The following DNAH11 variants were observed in gnomAD, a reference collection of about 807,000 sequenced individuals.
DNAH11 encodes the protein axonemal beta dynein heavy chain 11.
In DNAH11, 442 loss-of-function variants were observed where a neutral mutation model predicts 526.0. The observed-to-expected ratio is 0.84, with a 90% confidence interval of 0.78 to 0.91. The LOEUF (loss-of-function observed/expected upper bound fraction) is 0.91. Among genes scored for constraint, DNAH11 ranks in the 40% least tolerant of loss-of-function variants. The probability of loss-of-function intolerance (pLI) is 0.00; values close to 1 mark genes in which losing one functional copy is unlikely to be tolerated. For synonymous variants in DNAH11, 2,461 were observed against 1,935.9 expected (o/e 1.27, Z -7.12); for missense variants, 6,989 against 5,448.7 (o/e 1.28, Z -8.90).
chr7:21,626,312 T>C (rs1277141751), intron 25 of DNAH11, among the ~76,000 whole-genome samples: 1 of 152,228 alleles, frequency 6.6e-6, no homozygotes, highest in Non-Finnish European at 1.5e-5. Flanking sequence ...GTTTTATGGC[T>C]GAATAATATT....
At chr7:21,689,929 C>G (rs925331643) in intron 34 of DNAH11, among the ~76,000 whole-genome samples, 1 of 152,142 alleles carries the variant, frequency 6.6e-6, no homozygotes, top group Non-Finnish European at 1.5e-5. Context: ...CATTCATTGC[C>G]CTGGCCAGCA....
chr7:21,621,360 C>G (rs1786045901), intron 25 of DNAH11, among the ~76,000 whole-genome samples: 1 of 152,072 alleles, frequency 6.6e-6, no homozygotes, highest in Non-Finnish European at 1.5e-5. Flanking sequence ...AGTCCAGGAC[C>G]AGATGGATTC....
At chr7:21,846,300 A>T (rs903930921) in intron 66 of DNAH11, among the ~76,000 whole-genome samples, 19 of 152,052 alleles carry the variant, frequency 1.2e-4, no homozygotes, top group African/African-American at 4.6e-4. Context: ...CTCGTTCCTG[A>T]TCTTAGGGCA....
intron 30 of DNAH11, among the ~76,000 whole-genome samples, chr7:21,671,845 G>A (rs1265161124): frequency 1.3e-5 from 2 of 152,058 alleles, no homozygotes; most frequent in African/African-American, 4.8e-5. Flanking sequence ...CATACTTAAT[G>A]GTGAAACATT....
In DNAH11 at chr7:21,831,181, C is replaced by T. The variant is rs150199755; in HGVS notation, c.10692-11363C>T. On this transcript the variant is annotated intron_variant, in intron 65 of 81. Coordinates refer to ENST00000409508, the MANE Select transcript of DNAH11 (RefSeq NM_001277115.2). ...CCAAATTTTATGTTGCTCTTCACACCTGCTGTTGCTCCTATTTGGAATTTA... is the reference window on the plus strand; with the variant it reads ...CCAAATTTTATGTTGCTCTTCACACTTGCTGTTGCTCCTATTTGGAATTTA... Among the ~76,000 whole-genome samples, 78 of 152,284 alleles carry T rather than the reference C, an allele frequency of 5.1e-4. No homozygotes were observed. The East Asian group carries it at 8.7e-3, about 17-fold the overall frequency.
At chr7:21,669,229 G>A (rs544492627) in intron 30 of DNAH11, among the ~76,000 whole-genome samples, 34 of 151,674 alleles carry the variant, frequency 2.2e-4, no homozygotes, top group African/African-American at 7.9e-4. Context: ...CAACCAGGCT[G>A]GAGTGCAGTG....
chr7:21,664,417 C>G (rs1270579469), intron 30 of DNAH11, among the ~76,000 whole-genome samples: 2 of 151,730 alleles, frequency 1.3e-5, no homozygotes, highest in African/African-American at 4.8e-5. Context: ...GCCCCCGCCC[C>G]CGCAATTCTT....
intron 6 of DNAH11, among the ~76,000 whole-genome samples, chr7:21,565,603 T>C (rs1367892060): frequency 6.6e-6 from 1 of 152,154 alleles, no homozygotes; most frequent in Admixed American, 6.5e-5. Context: ...GATAGAGTGG[T>C]GTGTGGGAAA....
intron 30 of DNAH11, among the ~76,000 whole-genome samples, chr7:21,669,621 A>C (rs1219755819): frequency 2.6e-5 from 4 of 151,170 alleles, no homozygotes; most frequent in African/African-American, 9.7e-5. Context: ...TTTCATGGCT[A>C]GTGCTTTTTG....
chr7:21,825,985 A>G (rs1031437250), intron 65 of DNAH11, among the ~76,000 whole-genome samples: 2 of 150,052 alleles, frequency 1.3e-5, no homozygotes, highest in Non-Finnish European at 3.0e-5. Flanking sequence ...AAGTGTTTTG[A>G]TGGAATAATA....
intron 47 of DNAH11, among the ~76,000 whole-genome samples, chr7:21,739,291 C>G (rs892742149): frequency 6.6e-6 from 1 of 152,102 alleles, no homozygotes; most frequent in African/African-American, 2.4e-5. Context: ...GCTATGGGTA[C>G]AAGATAGTTT....
At chr7:21,667,380 A>C (rs866132254) in intron 30 of DNAH11, among the ~76,000 whole-genome samples, 2 of 152,120 alleles carry the variant, frequency 1.3e-5, no homozygotes, top group Admixed American at 1.3e-4. Context: ...TCTCTTCTGC[A>C]TGCACGCATC....
intron 61 of DNAH11, among the ~76,000 whole-genome samples, chr7:21,796,994 AAG>A (rs1788744183): frequency 6.6e-6 from 1 of 152,146 alleles, no homozygotes; most frequent in Non-Finnish European, 1.5e-5. Flanking sequence ...GAGAAGAACA[AAG>A]AAAAAAGTGA....
intron 65 of DNAH11, among the ~76,000 whole-genome samples, chr7:21,829,759 A>G (rs1283111470): frequency 6.6e-6 from 1 of 152,216 alleles, no homozygotes; most frequent in African/African-American, 2.4e-5. Context: ...AGATTTTAGA[A>G]ATAAGAATTT....
At chr7:21,889,112 T>C (rs1784239124) in intron 76 of DNAH11, among the ~76,000 whole-genome samples, 1 of 151,982 alleles carries the variant, frequency 6.6e-6, no homozygotes, top group Admixed American at 6.6e-5. Context: ...CTATTTTCTG[T>C]CTCTATAGAT....
chr7:21,858,094 A>G (rs1308816478), intron 68 of DNAH11, among the ~76,000 whole-genome samples: 2 of 152,188 alleles, frequency 1.3e-5, no homozygotes, highest in Admixed American at 1.3e-4. Flanking sequence ...TTGAACAGAC[A>G]TGTAATAACA....
At chr7:21,606,610 A>G (rs1785293904) in intron 19 of DNAH11, 37 bp from the exon 20 acceptor site, 3 of 1,390,982 alleles carry the variant, frequency 2.2e-6, no homozygotes, top group Non-Finnish European at 2.9e-6. Flanking sequence ...TTTGTTTGAA[A>G]TTCACTTTTT....
intron 30 of DNAH11, among the ~76,000 whole-genome samples, chr7:21,665,372 G>A (rs1270654614): frequency 1.3e-5 from 2 of 152,074 alleles, no homozygotes; most frequent in South Asian, 2.1e-4. Context: ...AATACTGCAA[G>A]GAACAGCCTT....
chr7:21,830,709 AG>A (rs1486003427), intron 65 of DNAH11, among the ~76,000 whole-genome samples: 1 of 152,140 alleles, frequency 6.6e-6, no homozygotes, highest in African/African-American at 2.4e-5. Context: ...AGTGATCTCT[AG>A]TGGCTCTTCT....
Sources: gnomAD v4.1 joint callset for allele counts (sites outside exome capture counted in the v4.1 genomes callset) on GRCh38, gnomAD v4.1.1 for gene constraint, MANE v1.5 for transcripts, NCBI Gene and HGNC (gene_info 2026-07-23, HGNC 2026-07-21) for gene names.